Variants in KCNMA1 observed in about 807,000 individuals in gnomAD.
KCNMA1 encodes Calcium-activated potassium channel subunit alpha-1.
In KCNMA1, 29 loss-of-function variants were observed where a neutral mutation model predicts 140.0. That is an observed-to-expected ratio of 0.21 (90% CI 0.15 to 0.28). The LOEUF (loss-of-function observed/expected upper bound fraction) is 0.28, where lower values mean the gene tolerates loss of function less well. Ranked by LOEUF, KCNMA1 falls within the 10% of genes least tolerant of loss-of-function variation. The probability of loss-of-function intolerance (pLI) is 1.00; values close to 1 mark genes in which losing one functional copy is unlikely to be tolerated. For missense variants in KCNMA1, 880 were observed against 1,602.2 expected, an observed-to-expected ratio of 0.55 and a Z score of 7.70; for synonymous variants, 612 against 611.9, an observed-to-expected ratio of 1.00 and a Z score of 0.00.
intron 2 of KCNMA1, among the ~76,000 whole-genome samples, chr10:77,374,458 T>A (rs2094946733): frequency 6.6e-6 from 1 of 152,230 alleles, no homozygotes; most frequent in African/African-American, 2.4e-5. Flanking sequence ...CTTATAAACA[T>A]GCCAGGGCCA....
intron 16 of KCNMA1, among the ~76,000 whole-genome samples, chr10:77,026,147 C>T (rs1723288921): frequency 3.3e-5 from 5 of 152,060 alleles, no homozygotes; most frequent in African/African-American, 1.2e-4. Context: ...AGAATAGTGA[C>T]ATTGAGTTCA....
intron 3 of KCNMA1, among the ~76,000 whole-genome samples, chr10:77,242,542 C>T (rs1359546685): frequency 5.3e-5 from 8 of 152,196 alleles, no homozygotes; most frequent in East Asian, 1.9e-4. Flanking sequence ...GTGTGCAATG[C>T]TCATATTAGT....
chr10:77,314,425 GC>G (rs1220650459), intron 2 of KCNMA1, among the ~76,000 whole-genome samples: 3 of 152,148 alleles, frequency 2.0e-5, no homozygotes, highest in Admixed American at 2.0e-4. Flanking sequence ...CCATCTAAGT[GC>G]TGGGGCCATA....
chr10:77,300,707 A>T (rs1015422148), intron 2 of KCNMA1, among the ~76,000 whole-genome samples: 1 of 151,968 alleles, frequency 6.6e-6, no homozygotes, highest in African/African-American at 2.4e-5. Context: ...AATGTTAAAG[A>T]CTCACTTCTT....
intron 2 of KCNMA1, among the ~76,000 whole-genome samples, chr10:77,298,188 C>A (rs16934486): frequency 1.3e-5 from 2 of 152,102 alleles, no homozygotes; most frequent in Non-Finnish European, 1.5e-5. Flanking sequence ...TCCTGGGGAA[C>A]GGGCTAATGA....
intron 24 of KCNMA1, 51 bp downstream of exon 24, chr10:76,914,885 G>C: frequency 7.8e-7 from 1 of 1,288,836 alleles, no homozygotes; most frequent in Non-Finnish European, 1.1e-6. Flanking sequence ...TATCCTGTAT[G>C]GTTTGAAAGA....
chr10:77,469,564 C>T (rs2098109207), intron 1 of KCNMA1, among the ~76,000 whole-genome samples: 1 of 152,138 alleles, frequency 6.6e-6, no homozygotes, highest in South Asian at 2.1e-4. Context: ...TGGCAGCTGA[C>T]TGAGAAACTG....
At chr10:77,370,513 T>A (rs1002043606) in intron 2 of KCNMA1, among the ~76,000 whole-genome samples, 41 of 152,354 alleles carry the variant, frequency 2.7e-4, no homozygotes, top group African/African-American at 9.1e-4. Context: ...CTCTCCAATC[T>A]CTAGCTCTTT....
At chr10:77,138,680 C>T (rs978194783) in intron 5 of KCNMA1, among the ~76,000 whole-genome samples, 2 of 152,204 alleles carry the variant, frequency 1.3e-5, no homozygotes, top group African/African-American at 4.8e-5. Context: ...ACTAAAATTA[C>T]TTTCAGATTC....
chr10:77,533,980 G>A (rs919797049), intron 1 of KCNMA1, among the ~76,000 whole-genome samples: 11 of 152,106 alleles, frequency 7.2e-5, no homozygotes, highest in Non-Finnish European at 8.8e-5. Flanking sequence ...TGCCAAAGCT[G>A]GCCCACTATG....
intron 2 of KCNMA1, among the ~76,000 whole-genome samples, chr10:77,308,013 T>C (rs2078255978): frequency 6.6e-6 from 1 of 152,172 alleles, no homozygotes; most frequent in African/African-American, 2.4e-5. Context: ...TTAACCTGTT[T>C]TCCAAAAAGA....
At chr10:77,376,972 C>CATACATACATACATAA (rs1258303279) in intron 2 of KCNMA1, among the ~76,000 whole-genome samples, 2 of 151,996 alleles carry the variant, frequency 1.3e-5, no homozygotes, top group Non-Finnish European at 1.5e-5. Context: ...TACATACATA[C>CATACATACATACATAA]ATACATACAT....
chr10:77,007,566 A>C (rs1445475457), intron 18 of KCNMA1, among the ~76,000 whole-genome samples: 4 of 151,308 alleles, frequency 2.6e-5, no homozygotes, highest in Non-Finnish European at 5.9e-5. Context: ...TCTATGGAAT[A>C]TCTCTACTCT....
At chr10:77,261,042 C>T (rs192386588) in intron 2 of KCNMA1, among the ~76,000 whole-genome samples, 104 of 152,184 alleles carry the variant, frequency 6.8e-4, no homozygotes, top group Admixed American at 1.8e-3. Flanking sequence ...TCAGAAAGAC[C>T]GGGTCTCTGT....
intron 2 of KCNMA1, among the ~76,000 whole-genome samples, chr10:77,358,018 T>C (rs184242491): frequency 1.3e-5 from 2 of 152,336 alleles, no homozygotes; most frequent in Admixed American, 1.3e-4. Flanking sequence ...AGAAAGGTTT[T>C]AGTTCTTGAG....
intron 3 of KCNMA1, among the ~76,000 whole-genome samples, chr10:77,202,722 T>C (rs541544384): frequency 1.3e-5 from 2 of 152,174 alleles, no homozygotes; most frequent in South Asian, 2.1e-4. Flanking sequence ...TTTTGGAGTA[T>C]AGGAGTATTT....
chr10:77,630,794 G>A (rs796496861), intron 1 of KCNMA1, among the ~76,000 whole-genome samples: 9 of 151,930 alleles, frequency 5.9e-5, no homozygotes, highest in African/African-American at 1.7e-4. Flanking sequence ...AACAGCTCTC[G>A]GTGATTCCTG....
At chr10:77,136,554 T>C (rs1268713770) in intron 5 of KCNMA1, among the ~76,000 whole-genome samples, 5 of 150,410 alleles carry the variant, frequency 3.3e-5, no homozygotes, top group Non-Finnish European at 5.9e-5. Flanking sequence ...TATGTGTTTT[T>C]CACCACAATT....
chr10:77,432,692 T>C (rs2097177785), intron 1 of KCNMA1, among the ~76,000 whole-genome samples: 1 of 152,234 alleles, frequency 6.6e-6, no homozygotes, highest in South Asian at 2.1e-4. Flanking sequence ...GTTGTGTTTC[T>C]TCCATACTGT....
Sources: gnomAD v4.1 joint callset for allele counts (sites outside exome capture counted in the v4.1 genomes callset) on GRCh38, gnomAD v4.1.1 for gene constraint, MANE v1.5 for transcripts, NCBI Gene and HGNC (gene_info 2026-07-23, HGNC 2026-07-21) for gene names.